The following GFAP variants were observed in gnomAD, a reference collection of about 807,000 sequenced individuals.
The protein encoded by GFAP is glial fibrillary acidic protein, also known as intermediate filament protein.
GFAP carries 38 observed loss-of-function variants against 49.3 expected under a neutral mutation model. The observed-to-expected ratio is 0.77, with a 90% confidence interval of 0.60 to 1.01. The LOEUF (loss-of-function observed/expected upper bound fraction) is 1.01. GFAP is among the 50% of genes least tolerant of loss of function. The pLI is 0.00. For missense variants in GFAP, 463 were observed against 579.1 expected, an observed-to-expected ratio of 0.80 and a Z score of 2.06; for synonymous variants, 222 against 236.4, an observed-to-expected ratio of 0.94 and a Z score of 0.56.
rs1331277606 is a variant in GFAP at position 44,904,069 on chromosome 17, G to A, written c.*3278C>T. The A allele has an allele frequency of 3.2e-6, 5 of 1,550,526 alleles. No homozygotes were observed. The highest frequency in any genetic ancestry group is 1.2e-5 in the South Asian group (1 of 84,056). On this transcript the variant is annotated 3_prime_UTR_variant, in exon 9 of 9. Transcript: ENST00000588735. ...GTAGCAGCCACACCAAAGTGCTGAC[G>A]GACTTTGATGGGCGGGTGCTGACGG...
Position 44,905,650 on chromosome 17 carries a change from T to C in GFAP, c.*1697A>G, listed in dbSNP as rs1223315601. 6.5e-6 allele frequency: 1 copy of C among 153,848 alleles called. No homozygotes were observed. The highest frequency in any genetic ancestry group is 2.4e-5 in the African/African-American group (1 of 41,476). 9.5% of individuals were successfully genotyped at this position (153,848 alleles called of 1,614,324 possible). A position where few individuals can be genotyped will look rare whatever the true frequency, so the allele number is the denominator to read the frequency against. On this transcript the variant is annotated 3_prime_UTR_variant, in exon 9 of 9. Transcript: ENST00000588735. The stretch of plus-strand genomic sequence containing the variant: ...CTGGGGAAGGGCGCAGCATTTGTCT[T>C]TATTTTTCCTCAGCGACTAAAGGCA...
Position 44,908,103 on chromosome 17 carries a change from C to T in GFAP, c.1218G>A (p.Arg406=). 6.2e-7 allele frequency: 1 copy of T among 1,609,266 alleles called. No individual in the cohort carries two copies. Among genetic ancestry groups the T allele is most frequent in the Non-Finnish European group, 8.5e-7 (1 of 1,175,840 alleles). ...TKSVSEGHLK[R]NIVVKTVEMR... Reference sequence around the variant, plus strand: ...TCTCCACGGTCTTCACCACGATGTTCCTCTTGAGGTGGCCTTCTGACACAG... The same window carrying T: ...TCTCCACGGTCTTCACCACGATGTTTCTCTTGAGGTGGCCTTCTGACACAG... Residue 406 remains arginine, a synonymous_variant, in exon 8 of 9, where the codon AGG becomes AGA. Transcript: ENST00000588735.
rs951225795 is a variant in GFAP, at chr17:44,904,805, C to T, written c.*2542G>A. 7 of 1,550,542 alleles carry T rather than the reference C, an allele frequency of 4.5e-6. No homozygotes were observed. The highest frequency in any genetic ancestry group is 5.2e-6 in the Non-Finnish European group (6 of 1,147,016). Reference sequence around the variant, plus strand: ...CAGGTCCATGAGGGTGTTCATTGACCACGGCAACCAGCTCCACATCCGCTT... The same window carrying T: ...CAGGTCCATGAGGGTGTTCATTGACTACGGCAACCAGCTCCACATCCGCTT... On this transcript the variant is annotated 3_prime_UTR_variant, in exon 9 of 9. Transcript: ENST00000588735.
At chr17:44,910,767 A>G in intron 6 of GFAP, 109 bp from the exon 7 acceptor site, 1 of 1,491,088 alleles carries the variant, frequency 6.7e-7, no homozygotes, top group Non-Finnish European at 9.0e-7. Context: ...CCTTGCCAGG[A>G]AAGTCTAACT....
chr17:44,911,557 A>T, intron 5 of GFAP, 101 bp from the exon 6 acceptor site: 1 of 1,561,452 alleles, frequency 6.4e-7, no homozygotes, highest in Non-Finnish European at 8.7e-7. Context: ...GCCCGGGGGT[A>T]ACGTTCAGGC....
intron 1 of GFAP, chr17:44,914,734 C>G: frequency 2.0e-6 from 1 of 490,290 alleles, no homozygotes; most frequent in Admixed American, 3.5e-5. Context: ...AAAGCCCAGC[C>G]ATGAATGAAA....
intron 8 of GFAP, 143 bp from the exon 9 acceptor site, chr17:44,907,531 C>T (rs957766576): frequency 7.0e-6 from 5 of 714,310 alleles, no homozygotes; most frequent in East Asian, 2.7e-5. Context: ...AGCTGCCTTG[C>T]GTGGTGGACA....
chr17:44,910,679 AGGGCTGCCC>A (rs909926540), intron 6 of GFAP, 21 bp from the exon 7 acceptor site: 4 of 1,582,692 alleles, frequency 2.5e-6, no homozygotes, highest in South Asian at 1.2e-5. Flanking sequence ...GCAGAGGGAG[AGGGCTGCCC>A]GGGCTGCCTG....
chr17:44,910,418 A>T, intron 7 of GFAP, 197 bp downstream of exon 7: 1 of 1,593,604 alleles, frequency 6.3e-7, no homozygotes, highest in Non-Finnish European at 8.5e-7. Flanking sequence ...CTAGCAGGAC[A>T]GGGGCAGCTG....
In GFAP at chr17:44,911,792, T is replaced by C; in HGVS notation, c.786A>G (p.Ala262=). 6.2e-7 allele frequency: 1 copy of C among 1,613,196 alleles called. No individual in the cohort carries two copies. The part of the protein sequence containing the change: ...EAEEWYRSKF[A]DLTDAAARNA... ...TGCGGGCAGCAGCGTCTGTCAGGTC[T>C]GCAAACTAGGTGGGGGACACATATG... Residue 262 remains alanine (A), a synonymous_variant, in exon 5 of 9, where the codon GCA becomes GCG. Transcript: ENST00000588735.
rs2051683110 is a variant in GFAP, at chr17:44,908,165, G to C, written c.1172-16C>G. On this transcript the variant is annotated splice_polypyrimidine_tract_variant and intron_variant, in intron 7 of 8. Transcript: ENST00000588735. ...AGGCTGGTTTCTGCAGATGTGGGGAGAGGAGGCCTCTCATGGACTTTCAGG... is the reference window on the plus strand; with the variant it reads ...AGGCTGGTTTCTGCAGATGTGGGGACAGGAGGCCTCTCATGGACTTTCAGG... The C allele has an allele frequency of 1.3e-6, 2 of 1,583,292 alleles. No individual in the cohort carries two copies. The highest frequency in any genetic ancestry group is 2.7e-5 in the African/African-American group (2 of 74,466).
intron 6 of GFAP, 47 bp downstream of exon 6, chr17:44,911,189 C>G: frequency 1.3e-6 from 2 of 1,532,124 alleles, no homozygotes; most frequent in Non-Finnish European, 1.8e-6. Flanking sequence ...TGAGCTCTAC[C>G]GTGAGGCAGC....
intron 3 of GFAP, 134 bp from the exon 4 acceptor site, chr17:44,913,564 T>C: frequency 9.1e-7 from 1 of 1,103,286 alleles, no homozygotes; most frequent in Non-Finnish European, 1.4e-6. Flanking sequence ...TCCGTCTCCC[T>C]TAGTGTCTTT....
chr17:44,907,817 A>G, intron 8 of GFAP: 1 of 602,858 alleles, frequency 1.7e-6, no homozygotes, highest in Non-Finnish European at 3.0e-6. Flanking sequence ...GAGGGTGAGA[A>G]AGAGAGAGTG....
intron 4 of GFAP, chr17:44,912,473 C>G (rs2051796725): frequency 6.5e-6 from 1 of 153,854 alleles, no homozygotes; most frequent in Non-Finnish European, 1.4e-5. Flanking sequence ...GGAGGTCCTC[C>G]CAGCCCCATC....
intron 7 of GFAP, chr17:44,909,612 C>CTA (rs2051711032): frequency 8.0e-6 from 1 of 125,578 alleles, no homozygotes; most frequent in Non-Finnish European, 1.7e-5. Context: ...AGTAATTTAG[C>CTA]TCCCCCCTCC....
chr17:44,913,649 T>G, intron 3 of GFAP, 79 bp downstream of exon 3: 1 of 1,180,218 alleles, frequency 8.5e-7, no homozygotes, highest in Non-Finnish European at 1.3e-6. Context: ...TCTCTCAGTC[T>G]CAGCTTCTCT....
At position 44,915,419 on chromosome 17, in the gene GFAP, C is replaced by A. The variant is rs1469741542; in HGVS notation, c.68G>T (p.Gly23Val). The change falls in exon 1 of 9, where the codon GGG (glycine) becomes GTG (valine). Residue 23 changes from glycine (G) to valine (V), a missense_variant. By Grantham distance (109) the Gly-to-Val change is moderately radical. Transcript: ENST00000588735. The surrounding 1 kb of genome is among the most constrained non-coding windows in gnomAD (Gnocchi z 4.1). Reference sequence around the variant, plus strand: ...CAGACGGCGGCCAGGAGCCAGGCCCCCCACCATCATCTCCCCTGAGGAGAC... The same window carrying A: ...CAGACGGCGGCCAGGAGCCAGGCCCACCACCATCATCTCCCCTGAGGAGAC... The part of the protein sequence containing the change: ...SYVSSGEMMV[G>V]GLAPGRRLGP... 6.2e-7 allele frequency: 1 copy of A among 1,608,284 alleles called. No individual in the cohort carries two copies. Among genetic ancestry groups the A allele is most frequent in the Non-Finnish European group, 8.5e-7 (1 of 1,177,000 alleles).
Position 44,906,403 on chromosome 17 carries a change from G to C in GFAP, c.*944C>G, listed in dbSNP as rs549273823. Reference sequence around the variant, plus strand: ...CCAGCGTCCCCTCCAGTCTGCACGGGGCAGTCCTCCTGGGCTTGACCTCTC... The same window carrying C: ...CCAGCGTCCCCTCCAGTCTGCACGGCGCAGTCCTCCTGGGCTTGACCTCTC... On this transcript the variant is annotated 3_prime_UTR_variant, in exon 9 of 9. Coordinates refer to ENST00000588735, the MANE Select transcript of GFAP (RefSeq NM_002055.5). 6.5e-6 allele frequency: 1 copy of C among 152,844 alleles called. No individual in the cohort carries two copies. Among genetic ancestry groups the C allele is most frequent in the African/African-American group, 2.4e-5 (1 of 41,536 alleles). The allele number at this position is 152,844 out of a possible 1,614,324, so 9.5% of individuals were successfully genotyped here. A position where few individuals can be genotyped will look rare whatever the true frequency, so the allele number is the denominator to read the frequency against.
Sources: allele counts gnomAD v4.1 joint callset, GRCh38; gene constraint gnomAD v4.1.1; non-coding constraint Gnocchi (gnomAD v3.1); transcripts MANE v1.5; gene names NCBI Gene and HGNC (gene_info 2026-07-23, HGNC 2026-07-21).